Variants in MANSC1 observed in about 807,000 individuals in gnomAD.
MANSC1 encodes the protein MANSC domain containing 1.
Under a neutral mutation model 14.1 loss-of-function variants are expected in MANSC1, and 13 were observed. The ratio of observed to expected loss-of-function variants is 0.92; its 90% CI spans 0.60 to 1.46. The LOEUF (loss-of-function observed/expected upper bound fraction) is 1.46. Ranked by LOEUF, MANSC1 falls within the 40% of genes most tolerant of loss-of-function variation. The pLI is 0.00. For synonymous variants in MANSC1, 227 were observed against 200.7 expected (o/e 1.13, Z -1.11); for missense variants, 486 against 511.4 (o/e 0.95, Z 0.48).
chr12:12,343,923 G>A (rs950617101), intron 1 of MANSC1, among the ~76,000 whole-genome samples: 5 of 151,962 alleles, frequency 3.3e-5, no homozygotes, highest in African/African-American at 1.2e-4. Context: ...ACCAGCCTGG[G>A]CAACATGGTG....
At chr12:12,336,100 T>TGG (rs1862855938) in intron 3 of MANSC1, among the ~76,000 whole-genome samples, 1 of 152,140 alleles carries the variant, frequency 6.6e-6, no homozygotes. Flanking sequence ...ATCGCGCCAC[T>TGG]GCACTCCACC....
At chr12:12,332,446 C>T (rs377512455) in intron 3 of MANSC1, among the ~76,000 whole-genome samples, 10 of 152,210 alleles carry the variant, frequency 6.6e-5, no homozygotes, top group Non-Finnish European at 8.8e-5. Flanking sequence ...CAGCAAACTA[C>T]GGCCTGATGG....
rs1862701518 is a variant in MANSC1, at chr12:12,326,345, C to G, written c.*3682G>C. On this transcript the variant is annotated 3_prime_UTR_variant, in exon 4 of 4. Transcript: ENST00000535902. ...CTTCCCTTTACAAGCAAGAAAATCT[C>G]TCCTAGAAGTCCCTAGTAGGTTTCC... 1 of 152,188 alleles carries G rather than the reference C, an allele frequency of 6.6e-6. No individual in the cohort carries two copies. Among genetic ancestry groups the G allele is most frequent in the African/African-American group, 2.4e-5 (1 of 41,450 alleles). The allele number at this position is 152,188 out of a possible 1,614,324, so 9.4% of individuals were successfully genotyped here. A position where few individuals can be genotyped will look rare whatever the true frequency, so the allele number is the denominator to read the frequency against.
At chr12:12,344,938 T>TATATATATATATATAC (rs1862989091) in intron 1 of MANSC1, among the ~76,000 whole-genome samples, 1 of 81,260 alleles carries the variant, frequency 1.2e-5, no homozygotes, top group Non-Finnish European at 2.4e-5. Context: ...TATATATATA[T>TATATATATATATATAC]ATATATATAT....
intron 2 of MANSC1, among the ~76,000 whole-genome samples, chr12:12,342,300 T>C (rs1412856215): frequency 1.3e-5 from 2 of 152,260 alleles, no homozygotes; most frequent in Non-Finnish European, 2.9e-5. Flanking sequence ...TATTCACTGT[T>C]TTCTCTCTGG....
chr12:12,339,006 A>G (rs1480368726), intron 2 of MANSC1: 1 of 179,470 alleles, frequency 5.6e-6, no homozygotes, highest in Non-Finnish European at 1.2e-5. Context: ...GAGTGCTCCC[A>G]CATGTTTGAC....
chr12:12,329,859 C>T lies in MANSC1; in HGVS notation c.*168G>A. Reference sequence around the variant, plus strand: ...CGAGATCGTGCTACTGCACTCCAGCCTGGGCAACAAAGCAAGACTCTGTCT... The same window carrying T: ...CGAGATCGTGCTACTGCACTCCAGCTTGGGCAACAAAGCAAGACTCTGTCT... On this transcript the variant is annotated 3_prime_UTR_variant, in exon 4 of 4. Coordinates refer to ENST00000535902, the MANE Select transcript of MANSC1 (RefSeq NM_018050.4). 1.6e-6 allele frequency: 1 copy of T among 617,272 alleles called. No homozygotes were observed. Among genetic ancestry groups the T allele is most frequent in the South Asian group, 2.1e-5 (1 of 46,564 alleles). The allele number at this position is 617,272 out of a possible 1,614,324, so 38.2% of individuals were successfully genotyped here. A position where few individuals can be genotyped will look rare whatever the true frequency, so the allele number is the denominator to read the frequency against.
rs530824976 is a variant in MANSC1, at chr12:12,330,481, G to C, written c.842C>G (p.Thr281Ser). The C allele has an allele frequency of 3.9e-4, 634 of 1,613,996 alleles. No individual in the cohort carries two copies. The highest frequency in any genetic ancestry group is 5.1e-4 in the Non-Finnish European group (596 of 1,180,012). Residue 281 changes from threonine to serine, a missense_variant, in exon 4 of 4, where the codon ACC (threonine) becomes AGC (serine). Physicochemically the swap from Thr to Ser is moderately conservative, Grantham distance 58. Coordinates refer to ENST00000535902, the MANE Select transcript of MANSC1 (RefSeq NM_018050.4). ...VTTVTSQPPT[T>S]LISTVFTRAA... ...CCGTGTAAAAACTGTAGAAATGAGG[G>C]TCGTGGGAGGCTGAGAAGTGACAGT...
At chr12:12,334,185 G>A (rs1025478928) in intron 3 of MANSC1, among the ~76,000 whole-genome samples, 59 of 151,974 alleles carry the variant, frequency 3.9e-4, no homozygotes, top group African/African-American at 1.3e-3. Flanking sequence ...AGCTCAGGAG[G>A]TGGAGGCTGC....
chr12:12,344,916 CATATATATATATAT>C (rs536743365), intron 1 of MANSC1, among the ~76,000 whole-genome samples: 3,185 of 33,586 alleles, frequency 0.095, 149 homozygotes, highest in Non-Finnish European at 0.12. Flanking sequence ...AATAAACTCC[CATATATATATATAT>C]ATATATATAT....
chr12:12,345,181 G>C (rs1325062469), intron 1 of MANSC1, among the ~76,000 whole-genome samples: 6 of 150,190 alleles, frequency 4.0e-5, no homozygotes, highest in Admixed American at 1.3e-4. Flanking sequence ...TTAGTTGGGT[G>C]TGATGGCGGG....
intron 2 of MANSC1, among the ~76,000 whole-genome samples, chr12:12,340,922 G>A (rs1042909918): frequency 6.6e-6 from 1 of 152,162 alleles, no homozygotes; most frequent in Non-Finnish European, 1.5e-5. Flanking sequence ...AAAGCACACT[G>A]CTCAATGAGA....
chr12:12,330,840 T>C lies in MANSC1; in HGVS notation c.483A>G (p.Ser161=), dbSNP rs1862780070. The stretch of plus-strand genomic sequence containing the variant: ...CTCTCCATGAGATATCGGTGGGCTT[T>C]GAATAATCTGTGTGATGATGGGCTA... ...TPLAHHHTDY[S]KPTDISWRDT... is the part of the protein sequence containing the mutation. Residue 161 remains serine (S), a synonymous_variant, in exon 4 of 4, where the codon TCA becomes TCG. Transcript: ENST00000535902. 3 of 1,613,958 alleles carry C rather than the reference T, an allele frequency of 1.9e-6. No homozygotes were observed. In the South Asian group the frequency reaches 3.3e-5, roughly 18 times the overall value.
At chr12:12,345,188 C>T (rs934789353) in intron 1 of MANSC1, among the ~76,000 whole-genome samples, 5 of 149,688 alleles carry the variant, frequency 3.3e-5, no homozygotes, top group Non-Finnish European at 5.9e-5. Flanking sequence ...GGTGTGATGG[C>T]GGGCAGCTGT....
At chr12:12,335,711 G>C (rs893421479) in intron 3 of MANSC1, among the ~76,000 whole-genome samples, 2 of 151,698 alleles carry the variant, frequency 1.3e-5, no homozygotes, top group Non-Finnish European at 2.9e-5. Flanking sequence ...GCATGGTGAT[G>C]CTTGCCTGTA....
chr12:12,338,514 A>G lies in MANSC1; in HGVS notation c.270T>C (p.Ala90=). 6.2e-7 allele frequency: 1 copy of G among 1,613,796 alleles called. No individual in the cohort carries two copies. Among genetic ancestry groups the G allele is most frequent in the Non-Finnish European group, 8.5e-7 (1 of 1,179,912 alleles). The change falls in exon 3 of 4, where the codon GCT becomes GCC. Residue 90 remains alanine, a synonymous_variant. Transcript: ENST00000535902. ...NLMIFDTRKT[A]RQPNCYLFFC... The stretch of plus-strand genomic sequence containing the variant: ...AAAATAGGTAGCAGTTGGGTTGTCT[A>G]GCTGTTTTTCGAGTGTCGAAGATCA...
At chr12:12,344,886 G>C (rs538603441) in intron 1 of MANSC1, among the ~76,000 whole-genome samples, 1 of 125,188 alleles carries the variant, frequency 8.0e-6, no homozygotes, top group South Asian at 2.6e-4. Context: ...GGGGCCTTGT[G>C]ATCATGTGAG....
chr12:12,338,825 C>A, intron 2 of MANSC1: 2 of 479,496 alleles, frequency 4.2e-6, no homozygotes, highest in Non-Finnish European at 7.5e-6. Flanking sequence ...AAAGTCAAAG[C>A]CAAAGCAAAG....
chr12:12,340,609 TA>T (rs992859460), intron 2 of MANSC1, among the ~76,000 whole-genome samples: 2 of 152,216 alleles, frequency 1.3e-5, no homozygotes, highest in African/African-American at 4.8e-5. Context: ...CCTCGGTGGT[TA>T]AACCATTTCT....
Sources: gnomAD v4.1 joint callset for allele counts (sites outside exome capture counted in the v4.1 genomes callset) on GRCh38, gnomAD v4.1.1 for gene constraint, MANE v1.5 for transcripts, NCBI Gene and HGNC (gene_info 2026-07-23, HGNC 2026-07-21) for gene names.